The following CSNK1G1 variants were observed in gnomAD, a reference collection of about 807,000 sequenced individuals.
The protein encoded by CSNK1G1 is casein kinase 1 gamma 1.
CSNK1G1 carries 22 observed loss-of-function variants against 59.6 expected under a neutral mutation model. The observed-to-expected ratio is 0.37, with a 90% CI of 0.26 to 0.53. The LOEUF is 0.53. Ranked by LOEUF, CSNK1G1 falls within the 20% of genes least tolerant of loss-of-function variation. CSNK1G1 has a pLI of 0.89. For missense variants in CSNK1G1, 384 were observed against 519.5 expected (o/e 0.74, Z 2.54); for synonymous variants, 179 against 177.1 (o/e 1.01, Z -0.08).
chr15:64,204,122 AAAACAAAC>A (rs560611963), intron 9 of CSNK1G1, among the ~76,000 whole-genome samples: 1,835 of 152,006 alleles, frequency 0.012, 17 homozygotes, highest in Non-Finnish European at 0.016. Context: ...CCAGCCTGGG[AAAACAAAC>A]AAACAAACAA....
chr15:64,313,865 T>C (rs1164723250), intron 1 of CSNK1G1, among the ~76,000 whole-genome samples: 5 of 43,794 alleles, frequency 1.1e-4, no homozygotes, highest in Non-Finnish European at 2.7e-4. Flanking sequence ...GTTGTAGGTA[T>C]ATGGCAAAAA....
chr15:64,170,402 G>C lies in CSNK1G1; in HGVS notation c.*1529C>G, dbSNP rs1378112102. 1 of 152,550 alleles carries C rather than the reference G, an allele frequency of 6.6e-6. No individual in the cohort carries two copies. The highest frequency in any genetic ancestry group is 1.5e-5 in the Non-Finnish European group (1 of 68,048). The allele number at this position is 152,550 out of a possible 1,614,324, so 9.4% of individuals were successfully genotyped here. A position where few individuals can be genotyped will look rare whatever the true frequency, so the allele number is the denominator to read the frequency against. ...CTTTCATTCCAGTCTCCTTTTCCCT[G>C]GAATGTTCCAGCACCAAACAATCTT... On this transcript the variant is annotated 3_prime_UTR_variant, in exon 12 of 12. Coordinates refer to ENST00000303052, the MANE Select transcript of CSNK1G1 (RefSeq NM_022048.5).
At chr15:64,199,515 T>G (rs1357605042) in intron 10 of CSNK1G1, among the ~76,000 whole-genome samples, 1 of 152,148 alleles carries the variant, frequency 6.6e-6, no homozygotes, top group East Asian at 1.9e-4. Context: ...ACCACAGCAT[T>G]GGTTATAAAT....
chr15:64,276,602 A>G (rs1335211349), intron 2 of CSNK1G1, among the ~76,000 whole-genome samples: 1 of 152,156 alleles, frequency 6.6e-6, no homozygotes, highest in Non-Finnish European at 1.5e-5. Flanking sequence ...CCAATGAGAT[A>G]TTTCAGCCAC....
intron 1 of CSNK1G1, among the ~76,000 whole-genome samples, chr15:64,354,038 G>A (rs1269170369): frequency 2.0e-5 from 3 of 152,132 alleles, no homozygotes; most frequent in African/African-American, 7.2e-5. Context: ...GGGCACGGTG[G>A]CTCACACCTG....
At chr15:64,221,033 T>C (rs980117561) in intron 4 of CSNK1G1, among the ~76,000 whole-genome samples, 1 of 152,232 alleles carries the variant, frequency 6.6e-6, no homozygotes, top group African/African-American at 2.4e-5. Context: ...GTTGGACTTT[T>C]CTTCTCTCTG....
intron 1 of CSNK1G1, among the ~76,000 whole-genome samples, chr15:64,312,769 C>T (rs181539769): frequency 6.6e-6 from 1 of 152,282 alleles, no homozygotes; most frequent in Admixed American, 6.5e-5. Context: ...TCTAATTAAA[C>T]TAAACAGCTG....
At chr15:64,257,022 A>G (rs573659160) in intron 3 of CSNK1G1, among the ~76,000 whole-genome samples, 10 of 152,084 alleles carry the variant, frequency 6.6e-5, no homozygotes, top group Non-Finnish European at 1.3e-4. Flanking sequence ...CTGCCTTCAT[A>G]TCTTCCTTTG....
chr15:64,295,823 T>C (rs770094020), intron 2 of CSNK1G1, among the ~76,000 whole-genome samples: 4 of 152,188 alleles, frequency 2.6e-5, no homozygotes, highest in South Asian at 2.1e-4. Context: ...TTCGACCCCA[T>C]TGCCTACAGG....
intron 1 of CSNK1G1, among the ~76,000 whole-genome samples, chr15:64,326,842 C>T (rs1353907593): frequency 1.3e-5 from 2 of 151,020 alleles, no homozygotes; most frequent in Non-Finnish European, 1.5e-5. Flanking sequence ...CGAAGCAGGG[C>T]GAGGCATTGC....
chr15:64,296,312 G>C (rs1464524602), intron 2 of CSNK1G1, among the ~76,000 whole-genome samples: 2 of 152,034 alleles, frequency 1.3e-5, no homozygotes, highest in African/African-American at 4.8e-5. Context: ...GTAGAGACGA[G>C]GTTTTGCCAC....
At chr15:64,258,051 C>G (rs1334591644) in intron 3 of CSNK1G1, among the ~76,000 whole-genome samples, 1 of 152,156 alleles carries the variant, frequency 6.6e-6, no homozygotes, top group African/African-American at 2.4e-5. Context: ...ACCCTAACTC[C>G]TCCACAAGCA....
rs76811969 is a variant in CSNK1G1, at chr15:64,283,278, C to T, written c.181+17041G>A. Among the ~76,000 whole-genome samples the T allele has an allele frequency of 3.5e-3, 537 of 152,106 alleles. 3 individuals carry two copies. Among genetic ancestry groups the T allele is most frequent in the African/African-American group, 0.012 (518 of 41,486 alleles). Reference sequence around the variant, plus strand: ...GTCTTCTATATATTCTGAATACTAGCCCATTGTTAGATACATAATTTCCAA... The same window carrying T: ...GTCTTCTATATATTCTGAATACTAGTCCATTGTTAGATACATAATTTCCAA... On this transcript the variant is annotated intron_variant, in intron 2 of 11. Coordinates refer to ENST00000303052, the MANE Select transcript of CSNK1G1 (RefSeq NM_022048.5).
At chr15:64,203,427 G>T (rs2082134771) in intron 9 of CSNK1G1, among the ~76,000 whole-genome samples, 1 of 152,146 alleles carries the variant, frequency 6.6e-6, no homozygotes, top group Non-Finnish European at 1.5e-5. Flanking sequence ...GCCGGGCGCG[G>T]TGGCTCGTGC....
At chr15:64,350,491 ACT>A (rs1898229475) in intron 1 of CSNK1G1, among the ~76,000 whole-genome samples, 1 of 151,628 alleles carries the variant, frequency 6.6e-6, no homozygotes, top group African/African-American at 2.4e-5. Flanking sequence ...ACAGAGCAAG[ACT>A]CTGTCTCCAA....
chr15:64,245,165 G>A (rs1229140046), intron 4 of CSNK1G1, among the ~76,000 whole-genome samples: 1 of 151,754 alleles, frequency 6.6e-6, no homozygotes, highest in African/African-American at 2.4e-5. Context: ...AAAACATTGG[G>A]GAAATGCTTC....
In CSNK1G1 at chr15:64,200,440, G is replaced by C. The variant is rs1466912699; in HGVS notation, c.1107+2642C>G. 2.0e-5 allele frequency among the ~76,000 whole-genome samples: 3 copies of C among 152,062 alleles called. No homozygotes were observed. The highest frequency in any genetic ancestry group is 7.2e-5 in the African/African-American group (3 of 41,398). ...GTCTCACTGCAACCTCCACCTCCCA[G>C]GTTCAAGTGACTCTCCTGCCTCAGC... is the stretch of plus-strand genomic sequence containing the variant. On this transcript the variant is annotated intron_variant, in intron 10 of 11. Transcript: ENST00000303052. The surrounding 1 kb of genome is among the most constrained non-coding windows in gnomAD (Gnocchi z 4.3).
At chr15:64,347,482 G>C (rs1898038261) in intron 1 of CSNK1G1, among the ~76,000 whole-genome samples, 1 of 151,640 alleles carries the variant, frequency 6.6e-6, no homozygotes, top group South Asian at 2.1e-4. Flanking sequence ...TGGGTATGCT[G>C]GCTTGCACCT....
chr15:64,203,496 G>C (rs970382635), intron 9 of CSNK1G1, among the ~76,000 whole-genome samples: 1 of 151,768 alleles, frequency 6.6e-6, no homozygotes, highest in Non-Finnish European at 1.5e-5. Flanking sequence ...TCAGGAGTTC[G>C]AGACCAGACT....
Sources: gnomAD v4.1 joint callset for allele counts (sites outside exome capture counted in the v4.1 genomes callset) on GRCh38, gnomAD v4.1.1 for gene constraint, Gnocchi (gnomAD v3.1) non-coding constraint, MANE v1.5 for transcripts, NCBI Gene and HGNC (gene_info 2026-07-23, HGNC 2026-07-21) for gene names.